DNAH2: variants seen among roughly 807,000 people sequenced by gnomAD.
DNAH2 encodes axonemal beta dynein heavy chain 2.
DNAH2 carries 323 observed loss-of-function variants against 523.5 expected under a neutral mutation model. The observed-to-expected ratio is 0.62, with a 90% confidence interval of 0.56 to 0.68. DNAH2 has a LOEUF of 0.68. Ranked by LOEUF, DNAH2 falls within the 30% of genes least tolerant of loss-of-function variation. The pLI, the probability that DNAH2 is intolerant of heterozygous loss-of-function variation, is 0.00. For missense variants in DNAH2, 4,907 were observed against 5,701.5 expected, an observed-to-expected ratio of 0.86 and a Z score of 4.49; for synonymous variants, 2,093 against 2,177.4, an observed-to-expected ratio of 0.96 and a Z score of 1.08.
rs1015624533 is a variant in DNAH2 at position 7,792,017 on chromosome 17, G to A, written c.7001G>A (p.Arg2334Gln). ...SVCASVDEEG[R>Q]KRIDSYLREI... ...TGTGCCTCTGTGGATGAGGAGGGCCGGAAGAGGATCGACAGCTACCTCCGA... is the reference window on the plus strand; with the variant it reads ...TGTGCCTCTGTGGATGAGGAGGGCCAGAAGAGGATCGACAGCTACCTCCGA... Residue 2334 changes from arginine (R) to glutamine (Q), a missense_variant, in exon 45 of 86, where the codon CGG becomes CAG. Physicochemically the swap from Arg to Gln is conservative, Grantham distance 43. Transcript: ENST00000572933. 14 of 1,613,846 alleles carry A rather than the reference G, an allele frequency of 8.7e-6. No homozygotes were observed. Among genetic ancestry groups the A allele is most frequent in the Admixed American group, 5.0e-5 (3 of 59,986 alleles).
chr17:7,765,334 C>T (rs986650179), intron 20 of DNAH2, 57 bp from the exon 21 acceptor site: 19 of 1,494,192 alleles, frequency 1.3e-5, no homozygotes, highest in South Asian at 2.6e-5. Context: ...TCATCCTCCA[C>T]GCATGAGAGG....
At position 7,733,250 on chromosome 17, in the gene DNAH2, G is replaced by C; in HGVS notation, c.563G>C (p.Gly188Ala). Residue 188 changes from glycine to alanine, a missense_variant, in exon 5 of 86, where the codon GGC becomes GCC. Physicochemically the swap from Gly to Ala is moderately conservative, Grantham distance 60. Coordinates refer to ENST00000572933, the MANE Select transcript of DNAH2 (RefSeq NM_020877.5). ...GCCCCTCAGATCTTTGCAAACACAG[G>C]CTGGCCTGAGAGCATTAGAAATCAT... ...VFAPQIFANT[G>A]WPESIRNHFA... 6.2e-7 allele frequency: 1 copy of C among 1,614,160 alleles called. No homozygotes were observed. The highest frequency in any genetic ancestry group is 2.2e-5 in the East Asian group (1 of 44,876).
intron 42 of DNAH2, 57 bp downstream of exon 42, chr17:7,787,090 GC>G: frequency 6.3e-7 from 1 of 1,594,756 alleles, no homozygotes; most frequent in South Asian, 1.1e-5. Context: ...GAGGGCGTGG[GC>G]CGGGGCTGGG....
chr17:7,742,235 G>C (rs2075374475), intron 11 of DNAH2, among the ~76,000 whole-genome samples: 1 of 152,048 alleles, frequency 6.6e-6, no homozygotes, highest in Non-Finnish European at 1.5e-5. Context: ...TTCATGACCA[G>C]TTTGGCCAAC....
At chr17:7,736,619 G>A (rs910969673) in intron 7 of DNAH2, among the ~76,000 whole-genome samples, 1 of 152,212 alleles carries the variant, frequency 6.6e-6, no homozygotes, top group Non-Finnish European at 1.5e-5. Context: ...TGAAATGATC[G>A]CTACTGTGTA....
At chr17:7,799,946 G>A (rs1439751936) in intron 56 of DNAH2, among the ~76,000 whole-genome samples, 2 of 152,190 alleles carry the variant, frequency 1.3e-5, no homozygotes, top group African/African-American at 4.8e-5. Context: ...TCCCGAGGCC[G>A]TACTCCATAC....
rs377472370 is a variant in DNAH2, at chr17:7,791,297, G to A, written c.6901-620G>A. 2.6e-5 allele frequency among the ~76,000 whole-genome samples: 4 copies of A among 151,538 alleles called. No homozygotes were observed. In the East Asian group the frequency reaches 5.9e-4, roughly 22 times the overall value. ...TGTTGGCCAGGCTGGTCTCGAACTC[G>A]TGACCTCAGGTGATCCACGCGGCTC... is the stretch of plus-strand genomic sequence containing the variant. On this transcript the variant is annotated intron_variant, in intron 44 of 85. Transcript: ENST00000572933.
intron 4 of DNAH2, among the ~76,000 whole-genome samples, chr17:7,730,800 C>CA (rs950619747): frequency 4.0e-4 from 58 of 144,518 alleles, no homozygotes; most frequent in South Asian, 2.7e-3. Context: ...GAGTCTGTCT[C>CA]AAAAAAAAAA....
rs1597802458 is a variant in DNAH2 at position 7,832,018 on chromosome 17, CA to C, written c.12726+244del. Among the ~76,000 whole-genome samples the C allele has an allele frequency of 3.3e-5, 5 of 152,308 alleles. No homozygotes were observed. In the East Asian group the frequency reaches 9.6e-4, roughly 29 times the overall value. On this transcript the variant is annotated intron_variant, in intron 82 of 85. Coordinates refer to ENST00000572933, the MANE Select transcript of DNAH2 (RefSeq NM_020877.5). This position sits in a 1 kb window ranked among gnomAD's most constrained non-coding sequence, Gnocchi z 4.3. ...TCTCCAAGGATGTTTCAGAGATTCC[CA>C]GTATTGTGCCTACCACTCAGTAGGT...
chr17:7,721,018 T>G (rs2074587109), intron 2 of DNAH2, among the ~76,000 whole-genome samples: 1 of 145,898 alleles, frequency 6.9e-6, no homozygotes, highest in African/African-American at 2.6e-5. Flanking sequence ...TTTTTTTTTT[T>G]TTTTTTTTGA....
At chr17:7,825,677 A>C (rs1208358040) in intron 77 of DNAH2, among the ~76,000 whole-genome samples, 3 of 152,180 alleles carry the variant, frequency 2.0e-5, no homozygotes, top group African/African-American at 7.2e-5. Context: ...AGCGTTTCTC[A>C]TTCTACTTTC....
Position 7,832,556 on chromosome 17 carries a change from A to G in DNAH2, c.12727-23A>G, listed in dbSNP as rs761272647. ...TTTGAATGCACGGCTAAATGAGTGA[A>G]TACACACGCACTCCTTCCCCAGGCA... On this transcript the variant is annotated intron_variant, in intron 82 of 85. Transcript: ENST00000572933. The surrounding 1 kb of genome is among the most constrained non-coding windows in gnomAD (Gnocchi z 4.3). 6.2e-7 allele frequency: 1 copy of G among 1,610,332 alleles called. No homozygotes were observed.
At chr17:7,808,286 G>A (rs1010845831) in intron 63 of DNAH2, among the ~76,000 whole-genome samples, 2 of 151,434 alleles carry the variant, frequency 1.3e-5, no homozygotes, top group East Asian at 1.9e-4. Context: ...CATGAGAATC[G>A]CTTGAACCCA....
intron 77 of DNAH2, among the ~76,000 whole-genome samples, chr17:7,825,272 G>A (rs555305799): frequency 4.7e-4 from 72 of 152,196 alleles, no homozygotes; most frequent in African/African-American, 1.6e-3. Context: ...AAAATCTGCC[G>A]TGTCACTGCG....
chr17:7,736,555 T>C (rs1291347357), intron 7 of DNAH2, among the ~76,000 whole-genome samples: 2 of 152,048 alleles, frequency 1.3e-5, no homozygotes, highest in East Asian at 1.9e-4. Flanking sequence ...GGCACACACA[T>C]GAGAAAAGAA....
chr17:7,755,668 G>GT (rs2075815557), intron 12 of DNAH2, among the ~76,000 whole-genome samples: 4 of 152,254 alleles, frequency 2.6e-5, no homozygotes, highest in South Asian at 2.1e-4. Context: ...TCTCAGACGT[G>GT]GAGCGGTTGT....
rs1567683145 is a variant in DNAH2 at position 7,778,291 on chromosome 17, CACTG to C, written c.5366_5369del (p.Leu1789ProfsTer104). 2 of 1,614,172 alleles carry C rather than the reference CACTG, an allele frequency of 1.2e-6. No homozygotes were observed. The highest frequency in any genetic ancestry group is 1.7e-6 in the Non-Finnish European group (2 of 1,180,020). On this transcript the variant is annotated frameshift_variant, in exon 35 of 86. Coordinates refer to ENST00000572933, the MANE Select transcript of DNAH2 (RefSeq NM_020877.5). LOFTEE classifies it high-confidence loss of function. ...TCCTCAATTCTCAGGTGTTACATGA[CACTG>C]ACCACGGCATTGCACCTGCACCGAG...
intron 11 of DNAH2, 43 bp from the exon 12 acceptor site, chr17:7,742,885 A>AG: frequency 7.2e-7 from 1 of 1,390,102 alleles, no homozygotes; most frequent in East Asian, 2.6e-5. Context: ...CCCTGGAGGA[A>AG]GGTGGCAGGC....
chr17:7,804,514 G>T (rs201225605), intron 59 of DNAH2, 48 bp downstream of exon 59: 2 of 1,595,922 alleles, frequency 1.3e-6, no homozygotes, highest in African/African-American at 1.3e-5. Context: ...ACCAGTGCCG[G>T]CTACTGCGTC....
Sources: gnomAD v4.1 joint callset for allele counts (sites outside exome capture counted in the v4.1 genomes callset) on GRCh38, gnomAD v4.1.1 for gene constraint, Gnocchi (gnomAD v3.1) non-coding constraint, MANE v1.5 for transcripts, NCBI Gene and HGNC (gene_info 2026-07-23, HGNC 2026-07-21) for gene names.